The following XIRP2 variants were observed in gnomAD, a reference collection of about 807,000 sequenced individuals.
XIRP2 encodes the protein xin actin binding repeat containing 2, also known as xin actin-binding repeat-containing protein 2.
Under a neutral mutation model 277.0 loss-of-function variants are expected in XIRP2, and 236 were observed. The ratio of observed to expected loss-of-function variants is 0.85; its 90% CI spans 0.77 to 0.95. The LOEUF (loss-of-function observed/expected upper bound fraction) is 0.95. Among genes scored for constraint, XIRP2 ranks in the 40% least tolerant of loss-of-function variants. XIRP2 has a pLI of 0.00. For missense variants in XIRP2, 4,640 were observed against 4,157.5 expected (o/e 1.12, Z -3.19); for synonymous variants, 1,490 against 1,416.5 (o/e 1.05, Z -1.17).
chr2:167,150,285 C>T (rs73017953), intron 3 of XIRP2, among the ~76,000 whole-genome samples: 15,099 of 151,884 alleles, frequency 0.099, 809 homozygotes, highest in South Asian at 0.15. Context: ...AAGAAAGAGA[C>T]CCTCTCATAT....
chr2:167,247,415 AT>A lies in XIRP2; in HGVS notation c.6026del (p.Leu2009Ter). On this transcript the variant is annotated frameshift_variant, in exon 9 of 11. Transcript: ENST00000409195. LOFTEE classifies it high-confidence loss of function. Reference sequence around the variant, plus strand: ...ACTATGGGGAAATCTTGCCATGGCAATTTAGTAGAAGAAAGAACTGAGGTTA... The same window carrying A: ...ACTATGGGGAAATCTTGCCATGGCAATTAGTAGAAGAAAGAACTGAGGTTA... ...SQTMGKSCHG[N>X]LVEERTEVNL... is the part of the protein sequence containing the mutation. 6.2e-7 allele frequency: 1 copy of A among 1,613,564 alleles called. No individual in the cohort carries two copies. The highest frequency in any genetic ancestry group is 1.7e-4 in the Middle Eastern group (1 of 6,058).
chr2:167,029,642 A>T (rs1192446609), intron 2 of XIRP2, among the ~76,000 whole-genome samples: 4 of 152,162 alleles, frequency 2.6e-5, no homozygotes, highest in Non-Finnish European at 4.4e-5. Flanking sequence ...ATCGACGTTC[A>T]TCAGGTATAT....
chr2:167,005,992 C>A (rs1188376842), intron 2 of XIRP2, among the ~76,000 whole-genome samples: 2 of 151,634 alleles, frequency 1.3e-5, no homozygotes, highest in Non-Finnish European at 3.0e-5. Flanking sequence ...ACAATCATAA[C>A]TTTGGAAGTC....
chr2:167,162,022 G>C (rs1212144466), intron 3 of XIRP2, among the ~76,000 whole-genome samples: 1 of 152,124 alleles, frequency 6.6e-6, no homozygotes, highest in Non-Finnish European at 1.5e-5. Flanking sequence ...AAATGCTCCA[G>C]TCTCTCTGTT....
intron 2 of XIRP2, among the ~76,000 whole-genome samples, chr2:167,096,479 C>T (rs1338212928): frequency 6.6e-6 from 1 of 151,812 alleles, no homozygotes; most frequent in Non-Finnish European, 1.5e-5. Flanking sequence ...ATCTATTTTG[C>T]CAATCTTTTC....
chr2:167,135,774 C>T, intron 2 of XIRP2, 135 bp from the exon 3 acceptor site: 1 of 803,354 alleles, frequency 1.2e-6, no homozygotes, highest in Non-Finnish European at 1.8e-6. Flanking sequence ...CAACATTTTA[C>T]CTGAAGCATA....
rs867634979 is a variant in XIRP2 at position 167,045,215 on chromosome 2, C to T, written c.409-90694C>T. Among the ~76,000 whole-genome samples, 5 of 152,104 alleles carry T rather than the reference C, an allele frequency of 3.3e-5. No homozygotes were observed. In the South Asian group the frequency reaches 8.3e-4, roughly 25 times the overall value. ...GCTAGCCATATGCAAAAGATTGAAA[C>T]TAGACCTCCTCCTTTCACCATACAG... On this transcript the variant is annotated intron_variant, in intron 2 of 10. Coordinates refer to ENST00000409195, the MANE Select transcript of XIRP2 (RefSeq NM_152381.6).
chr2:166,946,018 A>G (rs1291782321), intron 2 of XIRP2, among the ~76,000 whole-genome samples: 1 of 152,164 alleles, frequency 6.6e-6, no homozygotes, highest in Admixed American at 6.6e-5. Context: ...CTTGGTCCAC[A>G]TCATTGCAAA....
intron 2 of XIRP2, among the ~76,000 whole-genome samples, chr2:166,912,884 C>T (rs1192892949): frequency 6.6e-6 from 1 of 150,632 alleles, no homozygotes; most frequent in Non-Finnish European, 1.5e-5. Flanking sequence ...GAGACCGTTT[C>T]CCTGGGTATC....
intron 2 of XIRP2, among the ~76,000 whole-genome samples, chr2:167,114,224 G>A (rs770972372): frequency 3.9e-5 from 6 of 152,104 alleles, no homozygotes; most frequent in South Asian, 2.1e-4. Context: ...GATACGTTTC[G>A]CAAGTTGCTT....
At chr2:166,965,297 A>T (rs1475491497) in intron 2 of XIRP2, among the ~76,000 whole-genome samples, 1 of 151,824 alleles carries the variant, frequency 6.6e-6, no homozygotes, top group African/African-American at 2.4e-5. Flanking sequence ...CTGGATTTCT[A>T]TTGTCCTGAC....
chr2:166,919,901 T>G (rs1684991501), intron 2 of XIRP2, among the ~76,000 whole-genome samples: 1 of 152,214 alleles, frequency 6.6e-6, no homozygotes, highest in Non-Finnish European at 1.5e-5. Context: ...ATCAAGAGGT[T>G]GCAGGTCATA....
chr2:167,125,156 T>C (rs886869177), intron 2 of XIRP2, among the ~76,000 whole-genome samples: 5 of 152,146 alleles, frequency 3.3e-5, no homozygotes, highest in Non-Finnish European at 5.9e-5. Context: ...AATTTCTCTA[T>C]CTAGTTATTG....
chr2:167,022,083 G>C (rs1687998796), intron 2 of XIRP2, among the ~76,000 whole-genome samples: 1 of 152,056 alleles, frequency 6.6e-6, no homozygotes. Context: ...AATGCTTGAA[G>C]AACTGTTCAA....
chr2:166,895,165 G>A (rs897581323), intron 1 of XIRP2, among the ~76,000 whole-genome samples: 1 of 152,148 alleles, frequency 6.6e-6, no homozygotes, highest in African/African-American at 2.4e-5. Flanking sequence ...GAAAAATGCA[G>A]AGTTTACTAC....
In XIRP2 at chr2:167,249,810, A is replaced by C. The variant is rs769453768; in HGVS notation, c.8418A>C (p.Glu2806Asp). The C allele has an allele frequency of 6.2e-7, 1 of 1,613,472 alleles. No homozygotes were observed. The highest frequency in any genetic ancestry group is 8.5e-7 in the Non-Finnish European group (1 of 1,179,724). The part of the protein sequence containing the change: ...KLKMVPRKQR[E>D]FSGSDRGKLP... ...AGATGGTTCCCAGGAAGCAAAGAGA[A>C]TTTAGCGGATCTGACAGAGGGAAAC... Residue 2806 changes from glutamate (E) to aspartate (D), a missense_variant, in exon 9 of 11, where the codon GAA becomes GAC. By Grantham distance (45) the Glu-to-Asp change is conservative. Coordinates refer to ENST00000409195, the MANE Select transcript of XIRP2 (RefSeq NM_152381.6).
In XIRP2 at chr2:166,933,578, C is replaced by CA. The variant is rs879604257; in HGVS notation, c.408+29700dup. 6.1e-3 allele frequency among the ~76,000 whole-genome samples: 864 copies of CA among 140,788 alleles called. 5 individuals carry two copies. The highest frequency in any genetic ancestry group is 8.7e-3 in the Non-Finnish European group (562 of 64,348). The allele number at this position is 140,788 out of a possible 152,430, so 92.4% of individuals were successfully genotyped here. On this transcript the variant is annotated intron_variant, in intron 2 of 10. Coordinates refer to ENST00000409195, the MANE Select transcript of XIRP2 (RefSeq NM_152381.6). ...CTGGGCGACAGAGTGAGACTCCTCT[C>CA]AAAAAAAAAAAATTGATATATAAGT...
chr2:167,249,610 G>A lies in XIRP2; in HGVS notation c.8218G>A (p.Val2740Ile). The A allele has an allele frequency of 6.2e-7, 1 of 1,613,612 alleles. No homozygotes were observed. Among genetic ancestry groups the A allele is most frequent in the Non-Finnish European group, 8.5e-7 (1 of 1,179,808 alleles). The change falls in exon 9 of 11, where the codon GTT (valine) becomes ATT (isoleucine). Residue 2740 changes from valine (V) to isoleucine (I), a missense_variant. Physicochemically the swap from Val to Ile is conservative, Grantham distance 29 (BLOSUM62 3). Transcript: ENST00000409195. ...ESHKQQSEID[V>I]QTFTKKQYLK... ...TCATAAACAGCAATCTGAGATTGAT[G>A]TTCAAACCTTTACCAAAAAACAATA... is the stretch of plus-strand genomic sequence containing the variant.
chr2:167,012,379 T>A (rs1447416563), intron 2 of XIRP2, among the ~76,000 whole-genome samples: 1 of 151,758 alleles, frequency 6.6e-6, no homozygotes, highest in Non-Finnish European at 1.5e-5. Flanking sequence ...GCTCTAGTAG[T>A]ATCAGAATGA....
Sources: gnomAD v4.1 joint callset for allele counts (sites outside exome capture counted in the v4.1 genomes callset) on GRCh38, gnomAD v4.1.1 for gene constraint, MANE v1.5 for transcripts, NCBI Gene and HGNC (gene_info 2026-07-23, HGNC 2026-07-21) for gene names.